Variants in METTL15 observed in about 807,000 individuals in gnomAD.
The protein encoded by METTL15 is methyltransferase 15, mitochondrial 12S rRNA N4-cytidine, also known as 12S rRNA N(4)-cytidine methyltransferase METTL15.
METTL15 carries 34 observed loss-of-function variants against 38.3 expected under a neutral mutation model. The observed-to-expected ratio is 0.89, with a 90% confidence interval of 0.68 to 1.18. The LOEUF is 1.18. METTL15 is among the 50% of genes most tolerant of loss of function. The pLI, the probability that METTL15 is intolerant of heterozygous loss-of-function variation, is 0.00. For synonymous variants in METTL15, 162 were observed against 170.9 expected (o/e 0.95, Z 0.41); for missense variants, 438 against 498.4 (o/e 0.88, Z 1.15).
At chr11:28,165,852 C>T (rs527621253) in intron 3 of METTL15, among the ~76,000 whole-genome samples, 21 of 152,212 alleles carry the variant, frequency 1.4e-4, no homozygotes, top group Non-Finnish European at 1.0e-4. Flanking sequence ...TAAAGATCCA[C>T]TTTTATTCTT....
chr11:28,484,873 G>A (rs74693609), intron 6 of METTL15, among the ~76,000 whole-genome samples: 1 of 152,232 alleles, frequency 6.6e-6, no homozygotes, highest in Non-Finnish European at 1.5e-5. Flanking sequence ...CCACACCAGG[G>A]TTTAATGGCC....
At chr11:28,214,581 G>A (rs1410521552) in intron 4 of METTL15, among the ~76,000 whole-genome samples, 1 of 152,086 alleles carries the variant, frequency 6.6e-6, no homozygotes, top group Non-Finnish European at 1.5e-5. Context: ...TTAAATTTCT[G>A]TTAAATATAA....
chr11:28,246,598 T>C (rs1424617334), intron 4 of METTL15, among the ~76,000 whole-genome samples: 1 of 152,150 alleles, frequency 6.6e-6, no homozygotes, highest in Non-Finnish European at 1.5e-5. Flanking sequence ...TGTTACCTAT[T>C]ATGGGCCAAA....
chr11:28,260,256 T>G (rs1855147926), intron 4 of METTL15, among the ~76,000 whole-genome samples: 1 of 152,212 alleles, frequency 6.6e-6, no homozygotes, highest in African/African-American at 2.4e-5. Context: ...CTTCCCTGTT[T>G]CATAGATGTC....
At chr11:28,120,827 CTCTT>C (rs1340454030) in intron 3 of METTL15, among the ~76,000 whole-genome samples, 4 of 152,160 alleles carry the variant, frequency 2.6e-5, no homozygotes, top group Non-Finnish European at 5.9e-5. Context: ...AAGTTATTCA[CTCTT>C]TCTTCTCTTG....
intron 5 of METTL15, among the ~76,000 whole-genome samples, chr11:28,376,887 T>G (rs1427918338): frequency 7.0e-6 from 1 of 142,498 alleles, no homozygotes; most frequent in East Asian, 2.0e-4. Context: ...TTTGCTTGTC[T>G]GTAAAGTATT....
At chr11:28,326,303 T>C (rs1482375670) in intron 6 of METTL15, among the ~76,000 whole-genome samples, 1 of 152,014 alleles carries the variant, frequency 6.6e-6, no homozygotes, top group Admixed American at 6.6e-5. Context: ...TTTTTTTATC[T>C]TGTGTTCTTG....
intron 3 of METTL15, among the ~76,000 whole-genome samples, chr11:28,194,414 G>T (rs1171073456): frequency 6.6e-6 from 1 of 151,440 alleles, no homozygotes; most frequent in Non-Finnish European, 1.5e-5. Context: ...TGGTCAGGCT[G>T]GTCTCGAACT....
downstream of METTL15, among the ~76,000 whole-genome samples, chr11:28,530,575 TATC>T (rs1171727038): frequency 6.6e-6 from 1 of 152,098 alleles, no homozygotes; most frequent in African/African-American, 2.4e-5. Context: ...GTGTAAATAA[TATC>T]ATCATGGTTG....
At chr11:28,130,429 A>G (rs947989893) in intron 3 of METTL15, among the ~76,000 whole-genome samples, 16 of 152,194 alleles carry the variant, frequency 1.1e-4, no homozygotes, top group African/African-American at 3.9e-4. Flanking sequence ...GTATGCACAT[A>G]ACCATAATAG....
In METTL15 at chr11:28,314,988, TCTTTCTTC is replaced by T. The variant is rs1247326784; in HGVS notation, c.779-15407_779-15400del. ...GTGGAACTGTAAGTCCAATTAAACC[TCTTTCTTC>T]TGTAATTGGCCCAGTCTCAGGTATG... On this transcript the variant is annotated intron_variant, in intron 6 of 6. Coordinates refer to ENST00000407364, the MANE Select transcript of METTL15 (RefSeq NM_001113528.2). Among the ~76,000 whole-genome samples, 8 of 152,312 alleles carry T rather than the reference TCTTTCTTC, an allele frequency of 5.3e-5. No homozygotes were observed. In the East Asian group the frequency reaches 1.3e-3, roughly 26 times the overall value.
intron 4 of METTL15, among the ~76,000 whole-genome samples, chr11:28,238,346 A>G (rs1854118690): frequency 6.6e-6 from 1 of 152,082 alleles, no homozygotes; most frequent in African/African-American, 2.4e-5. Flanking sequence ...GCCGCCTTGC[A>G]GTTTGATCTC....
At chr11:28,524,844 C>A (rs964395840) in intron 6 of METTL15, among the ~76,000 whole-genome samples, 5 of 152,170 alleles carry the variant, frequency 3.3e-5, no homozygotes, top group Non-Finnish European at 7.4e-5. Context: ...TCACTGACTT[C>A]AAGAATGAAG....
intron 3 of METTL15, among the ~76,000 whole-genome samples, chr11:28,138,235 T>G (rs1436681007): frequency 2.0e-5 from 3 of 151,904 alleles, no homozygotes; most frequent in African/African-American, 7.3e-5. Context: ...CAAAATGAAA[T>G]GGAGAAAAAT....
intron 5 of METTL15, among the ~76,000 whole-genome samples, chr11:28,398,299 A>G (rs1302502301): frequency 1.3e-5 from 2 of 151,458 alleles, no homozygotes; most frequent in African/African-American, 2.4e-5. Flanking sequence ...TTGATAAACC[A>G]TAAAAAGTTC....
At chr11:28,528,390 C>T (rs1207924709), downstream of METTL15, among the ~76,000 whole-genome samples, 1 of 152,168 alleles carries the variant, frequency 6.6e-6, no homozygotes, top group Admixed American at 6.5e-5. Flanking sequence ...AGCATTTCTC[C>T]CTCAGGGGAG....
intron 3 of METTL15, among the ~76,000 whole-genome samples, chr11:28,346,329 G>C (rs1285898638): frequency 6.6e-6 from 1 of 152,148 alleles, no homozygotes; most frequent in Non-Finnish European, 1.5e-5. Context: ...CCCAGTGCTA[G>C]CAGTTAATAA....
chr11:28,238,054 G>T (rs926752240), intron 4 of METTL15, among the ~76,000 whole-genome samples: 1 of 152,170 alleles, frequency 6.6e-6, no homozygotes. Flanking sequence ...GGGGTCAGGG[G>T]TCAGGGACCC....
At chr11:28,276,391 C>T (rs909880929) in intron 4 of METTL15, among the ~76,000 whole-genome samples, 7 of 151,976 alleles carry the variant, frequency 4.6e-5, no homozygotes, top group South Asian at 4.2e-4. Context: ...AACCAAGGAG[C>T]GGAAAGATCT....
Sources: gnomAD v4.1 joint callset for allele counts (sites outside exome capture counted in the v4.1 genomes callset) on GRCh38, gnomAD v4.1.1 for gene constraint, MANE v1.5 for transcripts, NCBI Gene and HGNC (gene_info 2026-07-23, HGNC 2026-07-21) for gene names.